Variants in SNCAIP observed in about 807,000 individuals in gnomAD.
SNCAIP encodes the protein synuclein alpha interacting protein, also known as synphilin-1.
SNCAIP carries 43 observed loss-of-function variants against 86.7 expected under a neutral mutation model. The ratio of observed to expected loss-of-function variants is 0.50; its 90% CI spans 0.39 to 0.64. The LOEUF (loss-of-function observed/expected upper bound fraction) is 0.64. SNCAIP is among the 30% of genes least tolerant of loss of function. The pLI is 0.00. For missense variants in SNCAIP, 981 were observed against 1,103.1 expected, an observed-to-expected ratio of 0.89 and a Z score of 1.57; for synonymous variants, 417 against 427.2, an observed-to-expected ratio of 0.98 and a Z score of 0.29.
rs1361553492 is a variant in SNCAIP at position 122,358,197 on chromosome 5, GTGTGTGTA to G, written c.-46-32890_-46-32883del. 9.0e-3 allele frequency among the ~76,000 whole-genome samples: 924 copies of G among 103,174 alleles called. 5 individuals carry two copies. Among genetic ancestry groups the G allele is most frequent in the African/African-American group, 0.029 (745 of 25,388 alleles). The allele number at this position is 103,174 out of a possible 152,430, so 67.7% of individuals were successfully genotyped here. On this transcript the variant is annotated intron_variant, in intron 1 of 10. Coordinates refer to ENST00000261368, the MANE Select transcript of SNCAIP (RefSeq NM_005460.4). ...TGTGTGTGTGTGTGTGTGTGTGTGT[GTGTGTGTA>G]TATATATATATATAAAATACTTTAA...
At chr5:122,322,628 T>A (rs1475310147) in intron 1 of SNCAIP, among the ~76,000 whole-genome samples, 1 of 152,202 alleles carries the variant, frequency 6.6e-6, no homozygotes, top group African/African-American at 2.4e-5. Flanking sequence ...TGTCACACAC[T>A]ATGTTTTAGG....
intron 1 of SNCAIP, among the ~76,000 whole-genome samples, chr5:122,356,153 ACAGTGGCATGAATGATCACAGCT>A (rs1447357422): frequency 7.4e-5 from 10 of 135,266 alleles, no homozygotes; most frequent in African/African-American, 2.3e-4. Context: ...AGGCTGGAGT[ACAGTGGCATGAATGATCACAGCT>A]CAGTGGCATG....
intron 1 of SNCAIP, among the ~76,000 whole-genome samples, chr5:122,336,118 T>G (rs912009978): frequency 6.6e-6 from 1 of 152,124 alleles, no homozygotes; most frequent in African/African-American, 2.4e-5. Context: ...CAAAAGAAAT[T>G]ATTTAAATAA....
At chr5:122,383,928 A>G (rs759328330) in intron 1 of SNCAIP, among the ~76,000 whole-genome samples, 3 of 152,224 alleles carry the variant, frequency 2.0e-5, no homozygotes, top group Non-Finnish European at 4.4e-5. Context: ...ATGTTGTCTT[A>G]TAGACTAGTT....
At chr5:122,441,858 C>G (rs567754789) in intron 7 of SNCAIP, among the ~76,000 whole-genome samples, 4 of 152,194 alleles carry the variant, frequency 2.6e-5, no homozygotes, top group African/African-American at 9.6e-5. Context: ...TAGACTTGGT[C>G]TAGAATTTTA....
At chr5:122,350,933 A>T (rs1057280771) in intron 1 of SNCAIP, among the ~76,000 whole-genome samples, 1 of 152,236 alleles carries the variant, frequency 6.6e-6, no homozygotes, top group African/African-American at 2.4e-5. Context: ...TAAGACATTC[A>T]GTGCATTCTT....
At chr5:122,345,090 G>A (rs749036295) in intron 1 of SNCAIP, among the ~76,000 whole-genome samples, 9 of 152,158 alleles carry the variant, frequency 5.9e-5, no homozygotes, top group Admixed American at 1.3e-4. Flanking sequence ...TCTTCAGGCC[G>A]TGTACTGACC....
chr5:122,394,867 C>T (rs1205749750), intron 2 of SNCAIP, among the ~76,000 whole-genome samples: 1 of 152,178 alleles, frequency 6.6e-6, no homozygotes, highest in African/African-American at 2.4e-5. Flanking sequence ...AAGCCTCATA[C>T]ATCAGCTTTG....
intron 8 of SNCAIP, among the ~76,000 whole-genome samples, chr5:122,445,471 A>T (rs1489096418): frequency 2.0e-5 from 3 of 152,138 alleles, no homozygotes; most frequent in African/African-American, 4.8e-5. Context: ...AGGAGTTAAC[A>T]CCTGCCTGAG....
At chr5:122,376,866 T>C (rs1349834351) in intron 1 of SNCAIP, among the ~76,000 whole-genome samples, 4 of 152,096 alleles carry the variant, frequency 2.6e-5, no homozygotes, top group African/African-American at 9.7e-5. Flanking sequence ...TTCATGGGTG[T>C]TTGTCAATGC....
intron 5 of SNCAIP, among the ~76,000 whole-genome samples, chr5:122,426,089 A>T (rs1277689897): frequency 6.6e-6 from 1 of 152,242 alleles, no homozygotes; most frequent in Non-Finnish European, 1.5e-5. Context: ...GTTAAAACCT[A>T]GAAACTGTGA....
intron 1 of SNCAIP, among the ~76,000 whole-genome samples, chr5:122,345,538 A>T (rs1580542458): frequency 6.6e-6 from 1 of 152,142 alleles, no homozygotes; most frequent in Admixed American, 6.5e-5. Flanking sequence ...TGCCTCCCCC[A>T]GTCTCACAGT....
Position 122,423,614 on chromosome 5 carries a change from A to C in SNCAIP, c.877A>C (p.Lys293Gln). ...CCTACAATCCTCAGCAGCAGAATCC[A>C]AACCAGAAGAGCAGGTCAGTGGCCT... ...FHLQSSAAES[K>Q]PEEQVSGLNR... The change falls in exon 4 of 11, where the codon AAA (lysine) becomes CAA (glutamine). Residue 293 changes from lysine (K) to glutamine (Q), a missense_variant. Coordinates refer to ENST00000261368, the MANE Select transcript of SNCAIP (RefSeq NM_005460.4). 2 of 1,613,996 alleles carry C rather than the reference A, an allele frequency of 1.2e-6. No individual in the cohort carries two copies. Among genetic ancestry groups the C allele is most frequent in the Non-Finnish European group, 1.7e-6 (2 of 1,180,026 alleles).
intron 8 of SNCAIP, among the ~76,000 whole-genome samples, chr5:122,445,628 C>A (rs1016994273): frequency 6.8e-6 from 1 of 146,052 alleles, no homozygotes; most frequent in African/African-American, 2.5e-5. Flanking sequence ...AGGGAAAATA[C>A]TCTTACCTTT....
intron 1 of SNCAIP, among the ~76,000 whole-genome samples, chr5:122,356,395 G>A (rs1761025752): frequency 6.6e-6 from 1 of 152,078 alleles, no homozygotes; most frequent in Non-Finnish European, 1.5e-5. Flanking sequence ...TGGGATGTAG[G>A]CATGAGCCCC....
chr5:122,448,651 T>TATATATATATAATATATATTATATG (rs1782912454), intron 8 of SNCAIP, among the ~76,000 whole-genome samples: 1 of 132,620 alleles, frequency 7.5e-6, no homozygotes, highest in Admixed American at 8.2e-5. Flanking sequence ...TATATATATT[T>TATATATATATAATATATATTATATG]TTATATATAT....
At chr5:122,433,946 G>A (rs959916839) in intron 6 of SNCAIP, among the ~76,000 whole-genome samples, 6 of 152,174 alleles carry the variant, frequency 3.9e-5, no homozygotes, top group Admixed American at 6.5e-5. Context: ...CAACAGCCAC[G>A]TGATCACAAG....
At chr5:122,450,225 A>T (rs12186981) in intron 9 of SNCAIP, among the ~76,000 whole-genome samples, 2 of 151,990 alleles carry the variant, frequency 1.3e-5, no homozygotes, top group South Asian at 4.2e-4. Flanking sequence ...TGGGAATAGG[A>T]GATATATATA....
intron 1 of SNCAIP, among the ~76,000 whole-genome samples, chr5:122,360,897 G>T (rs1308664259): frequency 6.6e-6 from 1 of 151,766 alleles, no homozygotes; most frequent in East Asian, 1.9e-4. Context: ...TGAATAATCA[G>T]GAGATGAGGG....
Sources: gnomAD v4.1 joint callset for allele counts (sites outside exome capture counted in the v4.1 genomes callset) on GRCh38, gnomAD v4.1.1 for gene constraint, MANE v1.5 for transcripts, NCBI Gene and HGNC (gene_info 2026-07-23, HGNC 2026-07-21) for gene names.